The following PRKN variants were observed in gnomAD, a reference collection of about 807,000 sequenced individuals.
PRKN encodes the protein E3 ubiquitin-protein ligase parkin.
PRKN carries 56 observed loss-of-function variants against 59.5 expected under a neutral mutation model. That is an observed-to-expected ratio of 0.94 (90% CI 0.76 to 1.18). The LOEUF is 1.18. PRKN is among the 50% of genes most tolerant of loss of function. The pLI is 0.00. For missense variants in PRKN, 657 were observed against 596.4 expected (o/e 1.10, Z -1.06); for synonymous variants, 250 against 222.1 (o/e 1.13, Z -1.12).
rs185897786 is a variant in PRKN at position 162,582,380 on chromosome 6, C to T, written c.8-138907G>A. On this transcript the variant is annotated intron_variant, in intron 1 of 11. Transcript: ENST00000366898. ...CACATATGAAAGCTGAATAAATGTT[C>T]TGTATCATCCAGTTATTTCAGTTTC... 2.7e-3 allele frequency among the ~76,000 whole-genome samples: 413 copies of T among 152,294 alleles called. 2 individuals are homozygous for T. Among genetic ancestry groups the T allele is most frequent in the African/African-American group, 7.7e-3 (319 of 41,564 alleles).
intron 6 of PRKN, among the ~76,000 whole-genome samples, chr6:161,921,704 C>A (rs1778791995): frequency 6.6e-6 from 1 of 152,144 alleles, no homozygotes; most frequent in Admixed American, 6.5e-5. Flanking sequence ...ACTCAAATGA[C>A]CTCCTGCTTC....
chr6:162,474,647 CAT>C (rs967700261), intron 1 of PRKN, among the ~76,000 whole-genome samples: 6 of 152,032 alleles, frequency 3.9e-5, no homozygotes, highest in African/African-American at 1.4e-4. Context: ...TAAGGGCAAA[CAT>C]AAAACAATTT....
intron 1 of PRKN, among the ~76,000 whole-genome samples, chr6:162,518,548 G>A (rs1180876413): frequency 6.6e-6 from 1 of 152,030 alleles, no homozygotes; most frequent in Non-Finnish European, 1.5e-5. Context: ...TGTTTTTGTA[G>A]TAGAGACAGG....
intron 1 of PRKN, among the ~76,000 whole-genome samples, chr6:162,505,458 C>A (rs1189596863): frequency 6.6e-6 from 1 of 152,084 alleles, no homozygotes; most frequent in African/African-American, 2.4e-5. Flanking sequence ...TTCGCAGACC[C>A]CACTCAAGAG....
chr6:161,929,279 G>T (rs1779080315), intron 6 of PRKN, among the ~76,000 whole-genome samples: 1 of 152,098 alleles, frequency 6.6e-6, no homozygotes, highest in South Asian at 2.1e-4. Flanking sequence ...CACAACTATA[G>T]AGATGGAAAA....
intron 6 of PRKN, among the ~76,000 whole-genome samples, chr6:161,825,350 C>T (rs1292865386): frequency 7.4e-6 from 1 of 135,042 alleles, no homozygotes; most frequent in African/African-American, 2.6e-5. Flanking sequence ...CATTCTGTTT[C>T]TTAAAGAAGG....
chr6:162,338,860 C>T (rs1203894729), intron 2 of PRKN, among the ~76,000 whole-genome samples: 3 of 149,202 alleles, frequency 2.0e-5, no homozygotes, highest in Admixed American at 6.7e-5. Context: ...CGTCTCTGCC[C>T]GGCCGCCCAT....
intron 7 of PRKN, among the ~76,000 whole-genome samples, chr6:161,639,314 A>T (rs1357503148): frequency 6.6e-6 from 1 of 152,234 alleles, no homozygotes; most frequent in African/African-American, 2.4e-5. Context: ...ATTGGGGATC[A>T]GTCCAATGAC....
Position 161,483,829 on chromosome 6 carries a change from T to G in PRKN, c.1083+65025A>C, listed in dbSNP as rs1791527509. On this transcript the variant is annotated intron_variant, in intron 9 of 11. Transcript: ENST00000366898. The surrounding 1 kb of genome is among the most constrained non-coding windows in gnomAD (Gnocchi z 5.0). ...AAGAAAATGTGGTCCATATATATCA[T>G]GGAATACTATGCAACCATAAAAAGG... 6.6e-6 allele frequency among the ~76,000 whole-genome samples: 1 copy of G among 152,200 alleles called. No homozygotes were observed. The highest frequency in any genetic ancestry group is 6.5e-5 in the Admixed American group (1 of 15,286).
At chr6:161,827,036 T>C (rs917981101) in intron 6 of PRKN, among the ~76,000 whole-genome samples, 10 of 152,216 alleles carry the variant, frequency 6.6e-5, no homozygotes, top group Non-Finnish European at 1.5e-4. Flanking sequence ...GGGAATGAGC[T>C]TGGAGGACTA....
rs182533430 is a variant in PRKN, at chr6:162,016,514, G to A, written c.618+37577C>T. Among the ~76,000 whole-genome samples, 222 of 152,208 alleles carry A rather than the reference G, an allele frequency of 1.5e-3. 2 individuals are homozygous for A. Among genetic ancestry groups the A allele is most frequent in the Admixed American group, 0.013 (193 of 15,284 alleles). On this transcript the variant is annotated intron_variant, in intron 5 of 11. Coordinates refer to ENST00000366898, the MANE Select transcript of PRKN (RefSeq NM_004562.3). ...GCCAACTTTCATCTCCCATCACGAG[G>A]AGGGAGAAGGTTCTTATGATGGACA...
At chr6:161,504,662 T>C (rs1267122118) in intron 9 of PRKN, among the ~76,000 whole-genome samples, 1 of 144,570 alleles carries the variant, frequency 6.9e-6, no homozygotes, top group African/African-American at 2.5e-5. Context: ...CTCCCAATGC[T>C]ATCCCTCCCC....
chr6:161,575,847 CT>C lies in PRKN; in HGVS notation c.872-6432del, dbSNP rs1370420216. On this transcript the variant is annotated intron_variant, in intron 7 of 11. Coordinates refer to ENST00000366898, the MANE Select transcript of PRKN (RefSeq NM_004562.3). This position sits in a 1 kb window ranked among gnomAD's most constrained non-coding sequence, Gnocchi z 4.6. ...ATTACAGTGACCTTCTATTTCCCCC[CT>C]AAGTACAACTTAGAAAAGGAAACCG... Among the ~76,000 whole-genome samples, 4 of 152,174 alleles carry C rather than the reference CT, an allele frequency of 2.6e-5. No individual in the cohort carries two copies. Among genetic ancestry groups the C allele is most frequent in the Non-Finnish European group, 5.9e-5 (4 of 68,028 alleles).
At chr6:161,558,072 C>T (rs1020229044) in intron 8 of PRKN, among the ~76,000 whole-genome samples, 2 of 152,202 alleles carry the variant, frequency 1.3e-5, no homozygotes, top group African/African-American at 4.8e-5. Context: ...ACGGCACCGA[C>T]ACTTTGCTGC....
intron 7 of PRKN, among the ~76,000 whole-genome samples, chr6:161,706,244 A>G (rs975381365): frequency 5.3e-5 from 8 of 152,178 alleles, no homozygotes; most frequent in Admixed American, 5.2e-4. Context: ...CCCACAGACC[A>G]ATTCACACCT....
intron 1 of PRKN, among the ~76,000 whole-genome samples, chr6:162,693,976 G>A (rs148666820): frequency 1.3e-5 from 2 of 152,052 alleles, no homozygotes; most frequent in South Asian, 2.1e-4. Context: ...GGTCAGGCAC[G>A]GTGGCTCATG....
At chr6:161,627,695 C>A (rs545997350) in intron 7 of PRKN, among the ~76,000 whole-genome samples, 48 of 152,326 alleles carry the variant, frequency 3.2e-4, no homozygotes, top group Admixed American at 1.0e-3. Flanking sequence ...ATTCAGGGAG[C>A]AAATGGCCAC....
chr6:161,645,801 A>G (rs1783907029), intron 7 of PRKN, among the ~76,000 whole-genome samples: 1 of 152,280 alleles, frequency 6.6e-6, no homozygotes, highest in African/African-American at 2.4e-5. Context: ...GTCATTATAC[A>G]GATGAAATCA....
intron 7 of PRKN, among the ~76,000 whole-genome samples, chr6:161,583,062 A>G (rs1781402576): frequency 6.6e-6 from 1 of 152,048 alleles, no homozygotes; most frequent in African/African-American, 2.4e-5. Flanking sequence ...AAACCAAAAT[A>G]GATCCATGAT....
Sources: allele counts gnomAD v4.1 joint callset (sites outside exome capture counted in the v4.1 genomes callset), GRCh38; gene constraint gnomAD v4.1.1; non-coding constraint Gnocchi (gnomAD v3.1); transcripts MANE v1.5; gene names NCBI Gene and HGNC (gene_info 2026-07-23, HGNC 2026-07-21).